LBR: variants seen among roughly 807,000 people sequenced by gnomAD.
LBR encodes delta(14)-sterol reductase LBR.
LBR carries 28 observed loss-of-function variants against 74.3 expected under a neutral mutation model. The ratio of observed to expected loss-of-function variants is 0.38; its 90% CI spans 0.28 to 0.52. The LOEUF (loss-of-function observed/expected upper bound fraction) is 0.52. Ranked by LOEUF, LBR falls within the 20% of genes least tolerant of loss-of-function variation. LBR has a pLI of 0.89. For missense variants in LBR, 717 were observed against 760.3 expected, an observed-to-expected ratio of 0.94 and a Z score of 0.67; for synonymous variants, 228 against 269.3, an observed-to-expected ratio of 0.85 and a Z score of 1.50.
intron 2 of LBR, among the ~76,000 whole-genome samples, chr1:225,423,463 C>T (rs933988722): frequency 6.6e-6 from 1 of 151,894 alleles, no homozygotes; most frequent in Non-Finnish European, 1.5e-5. Context: ...CCTTCCAGCA[C>T]TTGGCTGACT....
Position 225,412,617 on chromosome 1 carries a change from T to C in LBR, c.921A>G (p.Ala307=). 6.2e-7 allele frequency: 1 copy of C among 1,610,208 alleles called. No homozygotes were observed. The highest frequency in any genetic ancestry group is 8.5e-7 in the Non-Finnish European group (1 of 1,179,046). The change falls in exon 8 of 14, where the codon GCA becomes GCG. Residue 307 remains alanine (A), a synonymous_variant. Transcript: ENST00000272163. The part of the protein sequence containing the change: ...NGFYAFILTS[A]VIGTSLFQGV... Reference sequence around the variant, plus strand: ...CCTGGAAGAGAGATGTTCCGATGACTGCAGATGTCAGGATAAAAGCATAGA... The same window carrying C: ...CCTGGAAGAGAGATGTTCCGATGACCGCAGATGTCAGGATAAAAGCATAGA...
At chr1:225,414,241 G>T (rs748389939) in intron 7 of LBR, 14 of 430,354 alleles carry the variant, frequency 3.3e-5, no homozygotes, top group Non-Finnish European at 6.1e-5. Context: ...AAAGGCAGAA[G>T]GTGTCTAAAC....
At chr1:225,427,042 G>A (rs1176522386) in intron 1 of LBR, among the ~76,000 whole-genome samples, 1 of 152,204 alleles carries the variant, frequency 6.6e-6, no homozygotes, top group Non-Finnish European at 1.5e-5. Context: ...CAAGGTCCCC[G>A]GGGGCCTGTT....
At chr1:225,406,216 CTATCTT>C (rs2096091244) in intron 11 of LBR, among the ~76,000 whole-genome samples, 1 of 152,160 alleles carries the variant, frequency 6.6e-6, no homozygotes, top group African/African-American at 2.4e-5. Context: ...GAAGTTCTCT[CTATCTT>C]TAACACCCGT....
At position 225,422,197 on chromosome 1, in the gene LBR, T is replaced by G. The variant is rs1431847395; in HGVS notation, c.246A>C (p.Ser82=). 1 of 1,613,906 alleles carries G rather than the reference T, an allele frequency of 6.2e-7. No individual in the cohort carries two copies. The highest frequency in any genetic ancestry group is 1.7e-4 in the Middle Eastern group (1 of 5,930). The change falls in exon 3 of 14, where the codon TCA becomes TCC. Residue 82 remains serine, a synonymous_variant. Transcript: ENST00000272163. The part of the protein sequence containing the change: ...PSRRRGSRSR[S]RSRSPGRPPK... ...GTGGTCGACCAGGGGATCGGGAGCGTGACCTTGATCGACTCCCTCGGCGTC... is the reference window on the plus strand; with the variant it reads ...GTGGTCGACCAGGGGATCGGGAGCGGGACCTTGATCGACTCCCTCGGCGTC...
intron 8 of LBR, 117 bp downstream of exon 8, chr1:225,412,337 A>T: frequency 8.2e-6 from 7 of 856,222 alleles, no homozygotes; most frequent in Admixed American, 2.3e-5. Context: ...ATTTTTTCTT[A>T]CTTCTCTTCA....
chr1:225,414,272 G>A (rs570482572), intron 7 of LBR: 8 of 393,242 alleles, frequency 2.0e-5, no homozygotes, highest in African/African-American at 1.7e-4. Context: ...TTCCCCTTTA[G>A]AACCCAGTGG....
chr1:225,426,685 T>C (rs2096139764), intron 1 of LBR, among the ~76,000 whole-genome samples: 1 of 152,190 alleles, frequency 6.6e-6, no homozygotes, highest in African/African-American at 2.4e-5. Context: ...TCGAATGACG[T>C]TGGACAGCTT....
intron 10 of LBR, among the ~76,000 whole-genome samples, chr1:225,407,715 G>T (rs2096095336): frequency 6.6e-6 from 1 of 152,190 alleles, no homozygotes; most frequent in African/African-American, 2.4e-5. Context: ...AGCTCTGTTG[G>T]AGAATCAAAG....
chr1:225,411,649 G>T (rs1486687303), intron 8 of LBR, among the ~76,000 whole-genome samples: 1 of 152,224 alleles, frequency 6.6e-6, no homozygotes, highest in Admixed American at 6.5e-5. Context: ...TCCAGCCTTT[G>T]GGGGAGCCGG....
intron 10 of LBR, 95 bp from the exon 11 acceptor site, chr1:225,406,927 T>A: frequency 4.1e-6 from 5 of 1,206,686 alleles, no homozygotes; most frequent in Non-Finnish European, 6.1e-6. Context: ...AAAAGTGCTA[T>A]GGGCGGGTCC....
intron 8 of LBR, among the ~76,000 whole-genome samples, 162 bp downstream of exon 8, chr1:225,412,292 A>G (rs565642438): frequency 3.3e-5 from 5 of 152,146 alleles, no homozygotes; most frequent in African/African-American, 1.2e-4. Flanking sequence ...CTTCCTTTAA[A>G]TTCATATCTC....
At chr1:225,411,133 TATTTA>T (rs1166690906) in intron 9 of LBR, among the ~76,000 whole-genome samples, 199 bp downstream of exon 9, 1 of 152,258 alleles carries the variant, frequency 6.6e-6, no homozygotes, top group African/African-American at 2.4e-5. Flanking sequence ...AAAGAAAAGT[TATTTA>T]ATTTGTCATA....
At chr1:225,419,497 C>T in intron 4 of LBR, 45 bp from the exon 5 acceptor site, 1 of 1,321,116 alleles carries the variant, frequency 7.6e-7, no homozygotes, top group Non-Finnish European at 1.1e-6. Flanking sequence ...TGAACAATTA[C>T]CATTAATGCT....
At chr1:225,416,695 CA>C (rs2096117732) in intron 6 of LBR, among the ~76,000 whole-genome samples, 1 of 152,230 alleles carries the variant, frequency 6.6e-6, no homozygotes, top group Non-Finnish European at 1.5e-5. Flanking sequence ...TCCATGGATT[CA>C]ACCAACCAGA....
At chr1:225,418,434 C>T (rs949826373) in intron 5 of LBR, among the ~76,000 whole-genome samples, 1 of 151,478 alleles carries the variant, frequency 6.6e-6, no homozygotes, top group Non-Finnish European at 1.5e-5. Flanking sequence ...TGAATAGCTA[C>T]ACCCACCTCA....
rs913187871 is a variant in LBR, at chr1:225,403,333, C to T, written c.1818G>A (p.Val606=). 5 of 1,613,380 alleles carry T rather than the reference C, an allele frequency of 3.1e-6. No individual in the cohort carries two copies. Among genetic ancestry groups the T allele is most frequent in the Non-Finnish European group, 4.2e-6 (5 of 1,179,964 alleles). ...AGATGTATGGAAATATACGGTAGGG[C>T]ACACGCTGACAGTACTTTTCCCAAG... ...GVAWEKYCQR[V]PYRIFPYIY is the part of the protein sequence containing the mutation. The change falls in exon 14 of 14, where the codon GTG becomes GTA. Residue 606 remains valine, a synonymous_variant. Coordinates refer to ENST00000272163, the MANE Select transcript of LBR (RefSeq NM_002296.4).
In LBR at chr1:225,411,428, TAGAC is replaced by T; in HGVS notation, c.1093_1096del (p.Val365MetfsTer9). On this transcript the variant is annotated frameshift_variant, in exon 9 of 14. Transcript: ENST00000272163. LOFTEE classifies it high-confidence loss of function. Reference sequence around the variant, plus strand: ...TAATTCACGGCCAATGAAGAAATCATAGACAGCATTTCCTGAGAAAGGAAAAGTG... The same window carrying T: ...TAATTCACGGCCAATGAAGAAATCATAGCATTTCCTGAGAAAGGAAAAGTG... 6.2e-7 allele frequency: 1 copy of T among 1,612,726 alleles called. No individual in the cohort carries two copies. Among genetic ancestry groups the T allele is most frequent in the Non-Finnish European group, 8.5e-7 (1 of 1,178,662 alleles).
intron 10 of LBR, among the ~76,000 whole-genome samples, chr1:225,409,010 T>C (rs1033312486): frequency 6.6e-6 from 1 of 152,278 alleles, no homozygotes; most frequent in Non-Finnish European, 1.5e-5. Context: ...TATCATTTGA[T>C]TTGCAAACTG....
Sources: allele counts gnomAD v4.1 joint callset (sites outside exome capture counted in the v4.1 genomes callset), GRCh38; gene constraint gnomAD v4.1.1; transcripts MANE v1.5; gene names NCBI Gene and HGNC (gene_info 2026-07-23, HGNC 2026-07-21).